Variants in MOSMO observed in about 807,000 individuals in gnomAD.
The protein encoded by MOSMO is modulator of smoothened, also known as modulator of smoothened protein.
In MOSMO, 5 loss-of-function variants were observed where a neutral mutation model predicts 18.4. The observed-to-expected ratio is 0.27, with a 90% CI of 0.14 to 0.57. The LOEUF (loss-of-function observed/expected upper bound fraction) is 0.57. Ranked by LOEUF, MOSMO falls within the 20% of genes least tolerant of loss-of-function variation. The pLI, the probability that MOSMO is intolerant of heterozygous loss-of-function variation, is 0.92. For missense variants in MOSMO, 138 were observed against 211.8 expected (o/e 0.65, Z 2.16); for synonymous variants, 82 against 82.3 (o/e 1.00, Z 0.02).
At chr16:22,043,996 G>C (rs191862900) in intron 1 of MOSMO, among the ~76,000 whole-genome samples, 3 of 151,996 alleles carry the variant, frequency 2.0e-5, no homozygotes, top group African/African-American at 2.4e-5. Context: ...GCAGGCAAGA[G>C]AGAATGAGAG....
intron 1 of MOSMO, among the ~76,000 whole-genome samples, chr16:22,029,277 A>G (rs943850789): frequency 2.6e-5 from 4 of 152,194 alleles, no homozygotes; most frequent in African/African-American, 9.7e-5. Context: ...GGGCTGTTAG[A>G]TACATGTATG....
intron 1 of MOSMO, among the ~76,000 whole-genome samples, chr16:22,047,848 A>G (rs12923227): frequency 0.084 from 12,831 of 152,186 alleles, 751 homozygotes; most frequent in South Asian, 0.25. Flanking sequence ...GAAAGAGCTC[A>G]GACTGATTTA....
rs541998843 is a variant in MOSMO, at chr16:22,031,559, A to G, written c.106+23152A>G. Among the ~76,000 whole-genome samples the G allele has an allele frequency of 1.8e-4, 28 of 152,276 alleles. No homozygotes were observed. In the East Asian group the frequency reaches 3.7e-3, roughly 20 times the overall value. On this transcript the variant is annotated intron_variant, in intron 1 of 2. Transcript: ENST00000542527. ...CCTAGTCCTAAGTAACTACTAATCTACTTTCTGTTTCATACAGTTTACCTA... is the reference window on the plus strand; with the variant it reads ...CCTAGTCCTAAGTAACTACTAATCTGCTTTCTGTTTCATACAGTTTACCTA...
At chr16:22,071,034 T>C (rs974044672) in intron 1 of MOSMO, among the ~76,000 whole-genome samples, 1 of 152,200 alleles carries the variant, frequency 6.6e-6, no homozygotes, top group Admixed American at 6.5e-5. Context: ...CAAATGCTCT[T>C]GGGAAAGGCA....
chr16:22,069,832 G>A lies in MOSMO; in HGVS notation c.107-5655G>A, dbSNP rs72784934. On this transcript the variant is annotated intron_variant, in intron 1 of 2. Coordinates refer to ENST00000542527, the MANE Select transcript of MOSMO (RefSeq NM_001164579.2). ...AAAGCAAGACAGAAACAGAAAGCAT[G>A]ATGCCCCTGGAGGACGTGTTGGCAT... is the stretch of plus-strand genomic sequence containing the variant. 3.8e-3 allele frequency among the ~76,000 whole-genome samples: 581 copies of A among 152,286 alleles called. 6 individuals carry two copies. The highest frequency in any genetic ancestry group is 0.017 in the Middle Eastern group (5 of 294).
Position 22,012,739 on chromosome 16 carries a change from GAA to G in MOSMO, c.106+4349_106+4350del, listed in dbSNP as rs5816166. Among the ~76,000 whole-genome samples, 89 of 67,138 alleles carry G rather than the reference GAA, an allele frequency of 1.3e-3. 1 individual carries two copies. The highest frequency in any genetic ancestry group is 0.012 in the South Asian group (33 of 2,660). 44.0% of individuals were successfully genotyped at this position (67,138 alleles called of 152,430 possible). ...TACTTGAACTACCATAGAAGGAATA[GAA>G]AAAAAAAAAAAAAAAAGAGTAACTT... On this transcript the variant is annotated intron_variant, in intron 1 of 2. Transcript: ENST00000542527.
downstream of MOSMO, among the ~76,000 whole-genome samples, chr16:22,086,830 C>G (rs899626308): frequency 6.6e-6 from 1 of 152,136 alleles, no homozygotes; most frequent in Non-Finnish European, 1.5e-5. Context: ...TGGCACAGTG[C>G]TTTACACACT....
chr16:22,064,005 A>G (rs1900702006), intron 1 of MOSMO, among the ~76,000 whole-genome samples: 1 of 152,182 alleles, frequency 6.6e-6, no homozygotes, highest in Non-Finnish European at 1.5e-5. Context: ...TTAACTTTGT[A>G]TCCTTGGATT....
chr16:22,014,889 A>G (rs1899606331), intron 1 of MOSMO, among the ~76,000 whole-genome samples: 1 of 152,202 alleles, frequency 6.6e-6, no homozygotes, highest in South Asian at 2.1e-4. Context: ...ATATTTCTTC[A>G]TTGGCCTTTT....
intron 1 of MOSMO, among the ~76,000 whole-genome samples, chr16:22,050,811 C>G (rs1417117391): frequency 6.7e-6 from 1 of 149,370 alleles, no homozygotes; most frequent in Non-Finnish European, 1.5e-5. Context: ...GTAGGAGGAT[C>G]ACTTGAGCCC....
intron 2 of MOSMO, 165 bp downstream of exon 2, chr16:22,075,864 A>G (rs922609653): frequency 3.5e-6 from 2 of 563,552 alleles, no homozygotes; most frequent in Admixed American, 3.0e-5. Flanking sequence ...TTTCTTCAAA[A>G]CTCTTTCTGC....
intron 1 of MOSMO, among the ~76,000 whole-genome samples, chr16:22,018,098 A>G (rs1899677671): frequency 6.6e-6 from 1 of 152,108 alleles, no homozygotes; most frequent in Non-Finnish European, 1.5e-5. Flanking sequence ...TAGCTTTGCT[A>G]TAAATAAAAT....
chr16:22,065,559 G>C (rs916413692), intron 1 of MOSMO, among the ~76,000 whole-genome samples: 4 of 152,078 alleles, frequency 2.6e-5, no homozygotes, highest in Non-Finnish European at 4.4e-5. Flanking sequence ...TGGAATGCAA[G>C]TTTCATGAGT....
downstream of MOSMO, among the ~76,000 whole-genome samples, chr16:22,086,672 G>T (rs1261849299): frequency 6.6e-6 from 1 of 152,168 alleles, no homozygotes; most frequent in Non-Finnish European, 1.5e-5. Context: ...TGGGGCTATT[G>T]TTGGTTTAAA....
chr16:22,079,241 GA>G (rs959036786), intron 2 of MOSMO, among the ~76,000 whole-genome samples: 2 of 152,160 alleles, frequency 1.3e-5, no homozygotes, highest in African/African-American at 2.4e-5. Context: ...ATTGCTGGGG[GA>G]TAGTTTTCAC....
chr16:22,043,249 G>C (rs1900243871), intron 1 of MOSMO, among the ~76,000 whole-genome samples: 1 of 152,166 alleles, frequency 6.6e-6, no homozygotes, highest in Admixed American at 6.5e-5. Context: ...CATGAGGACA[G>C]ATAAGCATTA....
intron 1 of MOSMO, among the ~76,000 whole-genome samples, chr16:22,058,125 A>C (rs1171573559): frequency 6.6e-6 from 1 of 152,186 alleles, no homozygotes; most frequent in Non-Finnish European, 1.5e-5. Flanking sequence ...ATCAGATTGC[A>C]TGTTAGAAAC....
At chr16:22,057,900 G>A (rs1598017249) in intron 1 of MOSMO, among the ~76,000 whole-genome samples, 1 of 152,228 alleles carries the variant, frequency 6.6e-6, no homozygotes, top group East Asian at 1.9e-4. Context: ...TGTGCAAAAG[G>A]CCCTGAAGTG....
downstream of MOSMO, among the ~76,000 whole-genome samples, chr16:22,088,157 G>T (rs1901222819): frequency 6.6e-6 from 1 of 151,860 alleles, no homozygotes; most frequent in South Asian, 2.1e-4. Context: ...CCAAGTAGCT[G>T]GGACTACAGG....
Sources: gnomAD v4.1 joint callset for allele counts (sites outside exome capture counted in the v4.1 genomes callset) on GRCh38, gnomAD v4.1.1 for gene constraint, MANE v1.5 for transcripts, NCBI Gene and HGNC (gene_info 2026-07-23, HGNC 2026-07-21) for gene names.